Variants in LRRC20 observed in about 807,000 individuals in gnomAD.
The protein encoded by LRRC20 is leucine-rich repeat-containing protein 20.
A neutral mutation model predicts 14.4 loss-of-function variants in LRRC20; 11 were observed. The observed-to-expected ratio is 0.77, with a 90% CI of 0.48 to 1.27. The LOEUF is 1.27. Ranked by LOEUF, LRRC20 falls within the 50% of genes most tolerant of loss-of-function variation. The pLI is 0.00. For missense variants in LRRC20, 219 were observed against 251.2 expected (o/e 0.87, Z 0.87); for synonymous variants, 121 against 107.3 (o/e 1.13, Z -0.79).
chr10:70,375,318 G>C (rs1844464954), intron 2 of LRRC20, among the ~76,000 whole-genome samples: 1 of 152,228 alleles, frequency 6.6e-6, no homozygotes, highest in South Asian at 2.1e-4. Context: ...AGGGCAGGGG[G>C]AAGCAAACAA....
At chr10:70,359,559 C>T (rs1474222796) in intron 2 of LRRC20, among the ~76,000 whole-genome samples, 1 of 152,174 alleles carries the variant, frequency 6.6e-6, no homozygotes, top group Non-Finnish European at 1.5e-5. Context: ...ACTCTCCATG[C>T]TAGTTTGGAG....
intron 2 of LRRC20, among the ~76,000 whole-genome samples, chr10:70,341,208 T>G (rs551964142): frequency 6.6e-6 from 1 of 152,378 alleles, no homozygotes; most frequent in Admixed American, 6.5e-5. Flanking sequence ...GGGAAGCCAC[T>G]GTGCAGAACA....
chr10:70,348,311 A>G (rs868260403), intron 2 of LRRC20, among the ~76,000 whole-genome samples: 1 of 152,242 alleles, frequency 6.6e-6, no homozygotes, highest in Non-Finnish European at 1.5e-5. Context: ...GGAGAGGTCC[A>G]TGATCTCCAG....
At chr10:70,354,326 C>T (rs4747009) in intron 2 of LRRC20, among the ~76,000 whole-genome samples, 119,168 of 152,050 alleles carry the variant, frequency 0.78, 47,094 homozygotes, top group East Asian at 0.97. Flanking sequence ...ACACTGCCAA[C>T]GTGCAGATTC....
chr10:70,350,228 TC>T (rs747031224), intron 2 of LRRC20, among the ~76,000 whole-genome samples: 42 of 152,114 alleles, frequency 2.8e-4, no homozygotes, highest in Non-Finnish European at 5.6e-4. Context: ...AGCTAGACTT[TC>T]CCTAGCAGCC....
intron 2 of LRRC20, among the ~76,000 whole-genome samples, chr10:70,359,305 C>T (rs774978217): frequency 8.1e-4 from 123 of 152,172 alleles, no homozygotes; most frequent in Non-Finnish European, 1.4e-3. Flanking sequence ...GCCTGCAATC[C>T]CAGCACTTTG....
intron 2 of LRRC20, among the ~76,000 whole-genome samples, chr10:70,368,825 G>A (rs1229758609): frequency 6.6e-6 from 1 of 152,140 alleles, no homozygotes; most frequent in Non-Finnish European, 1.5e-5. Context: ...GTTTCACCGT[G>A]TTGCCCAGGC....
intron 1 of LRRC20, among the ~76,000 whole-genome samples, chr10:70,377,921 T>C (rs1844569090): frequency 6.6e-6 from 1 of 152,212 alleles, no homozygotes; most frequent in Non-Finnish European, 1.5e-5. Flanking sequence ...ACAGGTCAAA[T>C]GCTCAACACC....
chr10:70,361,174 C>T (rs1271806596), intron 2 of LRRC20, among the ~76,000 whole-genome samples: 2 of 152,230 alleles, frequency 1.3e-5, no homozygotes, highest in African/African-American at 4.8e-5. Flanking sequence ...ACACAAACCA[C>T]TGCAGCTCAT....
rs537208388 is a variant in LRRC20 at position 70,376,374 on chromosome 10, C to A, written c.82+78G>T. The A allele has an allele frequency of 6.2e-6, 9 of 1,440,912 alleles. No individual in the cohort carries two copies. In the East Asian group the frequency reaches 2.0e-4, roughly 33 times the overall value. The allele number at this position is 1,440,912 out of a possible 1,614,324, so 89.3% of individuals were successfully genotyped here. ...TGAGGTTGCACACTGACGCTTGTGTCTTTCATCTCTGTTTCATTTCTAAGC... is the reference window on the plus strand; with the variant it reads ...TGAGGTTGCACACTGACGCTTGTGTATTTCATCTCTGTTTCATTTCTAAGC... On this transcript the variant is annotated intron_variant, in intron 2 of 4. Coordinates refer to ENST00000446961, the MANE Select transcript of LRRC20 (RefSeq NM_001278212.2).
intron 4 of LRRC20, among the ~76,000 whole-genome samples, chr10:70,306,401 T>C (rs779236944): frequency 1.2e-4 from 19 of 152,128 alleles, no homozygotes; most frequent in Non-Finnish European, 1.6e-4. Flanking sequence ...CTTCTAACTC[T>C]TTGGGCCCCT....
At chr10:70,327,760 A>T (rs531664609) in intron 3 of LRRC20, among the ~76,000 whole-genome samples, 1 of 151,930 alleles carries the variant, frequency 6.6e-6, no homozygotes, top group Non-Finnish European at 1.5e-5. Flanking sequence ...AGAAACCCCA[A>T]CCTCTCCCCA....
intron 4 of LRRC20, among the ~76,000 whole-genome samples, chr10:70,305,974 T>C (rs546879213): frequency 6.6e-6 from 1 of 152,306 alleles, no homozygotes; most frequent in South Asian, 2.1e-4. Context: ...TCTCCTGACC[T>C]TGTGATCTGC....
Position 70,324,017 on chromosome 10 carries a change from C to G in LRRC20, c.246G>C (p.Glu82Asp). ...TFSQLRELHL[E>D]GNFLHRLPSE... ...TGGGGAGGCGGTGTAGGAAGTTCCCCTCCAGGTGGAGCTCTGCCACGTGCA... is the reference window on the plus strand; with the variant it reads ...TGGGGAGGCGGTGTAGGAAGTTCCCGTCCAGGTGGAGCTCTGCCACGTGCA... The change falls in exon 4 of 5, where the codon GAG (glutamate) becomes GAC (aspartate). Residue 82 changes from glutamate (E) to aspartate (D), a missense_variant. By Grantham distance (45) the Glu-to-Asp change is conservative (BLOSUM62 2). Transcript: ENST00000446961. 6.2e-7 allele frequency: 1 copy of G among 1,614,016 alleles called. No individual in the cohort carries two copies. The highest frequency in any genetic ancestry group is 8.5e-7 in the Non-Finnish European group (1 of 1,180,002).
intron 4 of LRRC20, among the ~76,000 whole-genome samples, chr10:70,320,893 T>A (rs1842053071): frequency 6.6e-6 from 1 of 152,170 alleles, no homozygotes; most frequent in Non-Finnish European, 1.5e-5. Context: ...TGAGAATGGC[T>A]CAGAGGGTGG....
intron 2 of LRRC20, among the ~76,000 whole-genome samples, chr10:70,355,428 T>A (rs1283461254): frequency 6.6e-6 from 1 of 151,974 alleles, no homozygotes; most frequent in African/African-American, 2.4e-5. Context: ...GAAAAGGGCA[T>A]GGGAGGAAGA....
intron 2 of LRRC20, among the ~76,000 whole-genome samples, chr10:70,361,060 A>C (rs1416977254): frequency 7.1e-6 from 1 of 141,610 alleles, no homozygotes; most frequent in Non-Finnish European, 1.6e-5. Flanking sequence ...AAAAAAAAAA[A>C]AAAAGAGAGA....
chr10:70,331,434 GT>G (rs1842532450), intron 3 of LRRC20, among the ~76,000 whole-genome samples: 1 of 152,154 alleles, frequency 6.6e-6, no homozygotes, highest in African/African-American at 2.4e-5. Context: ...TTTCTCTGTT[GT>G]TTCCAGTTCA....
chr10:70,346,858 C>T (rs976887343), intron 2 of LRRC20, among the ~76,000 whole-genome samples: 19 of 152,246 alleles, frequency 1.2e-4, no homozygotes, highest in Admixed American at 1.0e-3. Flanking sequence ...TGATACTTTA[C>T]TTTTAAAATA....
Sources: gnomAD v4.1 joint callset for allele counts (sites outside exome capture counted in the v4.1 genomes callset) on GRCh38, gnomAD v4.1.1 for gene constraint, MANE v1.5 for transcripts, NCBI Gene and HGNC (gene_info 2026-07-23, HGNC 2026-07-21) for gene names.